The following LY75 variants were observed in gnomAD, a reference collection of about 807,000 sequenced individuals.
The protein encoded by LY75 is C-type lectin domain family 13 member B.
A neutral mutation model predicts 231.7 loss-of-function variants in LY75; 185 were observed. The observed-to-expected ratio is 0.80, with a 90% confidence interval of 0.71 to 0.90. LY75 has a LOEUF of 0.90. Ranked by LOEUF, LY75 falls within the 40% of genes least tolerant of loss-of-function variation. The pLI is 0.00. For missense variants in LY75, 1,947 were observed against 2,050.2 expected (o/e 0.95, Z 0.97); for synonymous variants, 668 against 689.0 (o/e 0.97, Z 0.48).
intron 31 of LY75, among the ~76,000 whole-genome samples, chr2:159,813,260 A>C (rs751886575): frequency 2.0e-4 from 30 of 151,472 alleles, no homozygotes; most frequent in Non-Finnish European, 3.4e-4. Flanking sequence ...ACACTGTTTT[A>C]TATTCCTACC....
At chr2:159,864,555 T>A (rs1049194527) in intron 14 of LY75, among the ~76,000 whole-genome samples, 2 of 152,194 alleles carry the variant, frequency 1.3e-5, no homozygotes, top group South Asian at 2.1e-4. Context: ...GCTATAAATA[T>A]ATGGATGTAT....
At chr2:159,879,107 A>G (rs1685360295) in intron 9 of LY75, 152 bp downstream of exon 9, 15 of 817,244 alleles carry the variant, frequency 1.8e-5, no homozygotes, top group Non-Finnish European at 2.8e-5. Context: ...ATATGCTATG[A>G]CTCACTGCCT....
intron 4 of LY75, among the ~76,000 whole-genome samples, chr2:159,887,370 C>T (rs949154479): frequency 2.0e-5 from 3 of 151,024 alleles, no homozygotes; most frequent in African/African-American, 4.8e-5. Context: ...CCAGCCTGGC[C>T]AACACGGTGA....
chr2:159,833,712 T>G (rs1196798231), intron 27 of LY75, among the ~76,000 whole-genome samples: 1 of 152,208 alleles, frequency 6.6e-6, no homozygotes, highest in African/African-American at 2.4e-5. Flanking sequence ...CCAAATCCCA[T>G]GTTGAATTGT....
At chr2:159,853,133 G>C in intron 20 of LY75, 140 bp downstream of exon 20, 1 of 809,928 alleles carries the variant, frequency 1.2e-6, no homozygotes, top group Non-Finnish European at 1.9e-6. Context: ...GGGAATTTGA[G>C]CTATTGTTGC....
At chr2:159,808,013 A>C in intron 33 of LY75, 1 of 935,476 alleles carries the variant, frequency 1.1e-6, no homozygotes, top group Non-Finnish European at 1.3e-6. Context: ...ACCAGTGGTA[A>C]AAATATTCTT....
Position 159,882,134 on chromosome 2 carries a change from G to T in LY75, c.1236C>A (p.Leu412=), listed in dbSNP as rs753584507. The T allele has an allele frequency of 2.5e-6, 4 of 1,612,288 alleles. No individual in the cohort carries two copies. In the Admixed American group the frequency reaches 5.0e-5, roughly 20 times the overall value. The change falls in exon 7 of 35, where the codon CTC becomes CTA. Residue 412 remains leucine, a synonymous_variant. Coordinates refer to ENST00000263636, the MANE Select transcript of LY75 (RefSeq NM_002349.4). ...LADVEVVVTK[L]HNEDIKEEVW... ...TTTTTAAAAACTTACCCTCATTATG[G>T]AGTTTTGTGACAACCACCTCCACAT...
chr2:159,893,839 T>C, intron 3 of LY75, 75 bp downstream of exon 3: 1 of 1,497,588 alleles, frequency 6.7e-7, no homozygotes. Context: ...TGAGTCACTT[T>C]GAACTCTTCC....
At chr2:159,812,300 T>TC (rs945188149) in intron 31 of LY75, 1 of 142,016 alleles carries the variant, frequency 7.0e-6, no homozygotes, top group African/African-American at 2.5e-5. Context: ...TTTTTTTTTT[T>TC]CTGTAAGGGC....
At chr2:159,898,542 A>T in intron 2 of LY75, 146 bp downstream of exon 2, 1 of 1,353,210 alleles carries the variant, frequency 7.4e-7, no homozygotes, top group East Asian at 2.3e-5. Context: ...AATGTCGCTC[A>T]AAGTAACTGC....
intron 32 of LY75, among the ~76,000 whole-genome samples, chr2:159,809,202 C>T (rs1428175877): frequency 6.6e-6 from 1 of 152,182 alleles, no homozygotes; most frequent in African/African-American, 2.4e-5. Context: ...ATCTACCTGG[C>T]TAATTTGCTA....
chr2:159,900,973 A>G (rs984659502), intron 1 of LY75, among the ~76,000 whole-genome samples: 5 of 152,064 alleles, frequency 3.3e-5, no homozygotes, highest in African/African-American at 1.2e-4. Context: ...CAAGTAGCTG[A>G]GATTACAGGT....
chr2:159,810,745 A>G (rs1574518430), intron 31 of LY75, 70 bp from the exon 32 acceptor site: 3 of 1,583,056 alleles, frequency 1.9e-6, no homozygotes, highest in South Asian at 2.3e-5. Flanking sequence ...ATCTACTTCA[A>G]TGTCCCTGAT....
At chr2:159,817,070 T>A in intron 29 of LY75, 38 bp from the exon 30 acceptor site, 1 of 1,515,114 alleles carries the variant, frequency 6.6e-7, no homozygotes, top group East Asian at 2.3e-5. Flanking sequence ...AAAATTTAAA[T>A]TATTTCAAAT....
chr2:159,843,503 T>TA (rs1285363302), intron 23 of LY75, among the ~76,000 whole-genome samples: 1 of 147,606 alleles, frequency 6.8e-6, no homozygotes, highest in Non-Finnish European at 1.5e-5. Flanking sequence ...TTTTTTTTTT[T>TA]ACTGTCTGTC....
At chr2:159,826,152 G>A (rs1269570890) in intron 28 of LY75, among the ~76,000 whole-genome samples, 1 of 152,198 alleles carries the variant, frequency 6.6e-6, no homozygotes, top group African/African-American at 2.4e-5. Flanking sequence ...AATGGGAAGA[G>A]GGGAAGTCAA....
Position 159,878,651 on chromosome 2 carries a change from T to C in LY75, c.1586A>G (p.Asn529Ser). The C allele has an allele frequency of 6.2e-7, 1 of 1,614,036 alleles. No individual in the cohort carries two copies. The highest frequency in any genetic ancestry group is 8.5e-7 in the Non-Finnish European group (1 of 1,179,950). ...GTCACACCTGCTAGTGATAGTCAGA[T>C]TGCAGTTTGTTCCAAAAGGGACCTC... The part of the protein sequence containing the change: ...EDEVPFGTNC[N>S]LTITSRFEQE... Residue 529 changes from asparagine to serine, a missense_variant, in exon 10 of 35, where the codon AAT becomes AGT. Coordinates refer to ENST00000263636, the MANE Select transcript of LY75 (RefSeq NM_002349.4).
rs1184847871 is a variant in LY75 at position 159,821,619 on chromosome 2, C to CA, written c.3959-1700dup. On this transcript the variant is annotated intron_variant, in intron 28 of 34. Transcript: ENST00000263636. ...CGGTGACAAGAGCAAAAGTCTGTCT[C>CA]AAAAAAAAAAAAAGAAAAGAAAAGA... Among the ~76,000 whole-genome samples the CA allele has an allele frequency of 3.1e-3, 110 of 35,844 alleles. 2 individuals are homozygous for CA. Among genetic ancestry groups the CA allele is most frequent in the African/African-American group, 7.8e-3 (76 of 9,740 alleles). 23.5% of individuals were successfully genotyped at this position (35,844 alleles called of 152,430 possible).
chr2:159,828,126 G>GA (rs1193297614), intron 28 of LY75, among the ~76,000 whole-genome samples: 2 of 151,182 alleles, frequency 1.3e-5, no homozygotes, highest in Non-Finnish European at 2.9e-5. Context: ...GAAAAAAAAA[G>GA]AAAAACACTT....
Sources: allele counts gnomAD v4.1 joint callset (sites outside exome capture counted in the v4.1 genomes callset), GRCh38; gene constraint gnomAD v4.1.1; transcripts MANE v1.5; gene names NCBI Gene and HGNC (gene_info 2026-07-23, HGNC 2026-07-21).